NUBPL: variants seen among roughly 807,000 people sequenced by gnomAD.
The protein encoded by NUBPL is iron-sulfur cluster transfer protein NUBPL.
Under a neutral mutation model 45.7 loss-of-function variants are expected in NUBPL, and 31 were observed. That is an observed-to-expected ratio of 0.68 (90% CI 0.51 to 0.92). The LOEUF (loss-of-function observed/expected upper bound fraction) is 0.92, where lower values mean the gene tolerates loss of function less well. Among genes scored for constraint, NUBPL ranks in the 40% least tolerant of loss-of-function variants. NUBPL has a pLI of 0.00. For synonymous variants in NUBPL, 144 were observed against 140.9 expected, an observed-to-expected ratio of 1.02 and a Z score of -0.15; for missense variants, 401 against 398.7, an observed-to-expected ratio of 1.01 and a Z score of -0.05.
intron 4 of NUBPL, among the ~76,000 whole-genome samples, chr14:31,600,483 C>T (rs1437621531): frequency 5.3e-5 from 8 of 152,176 alleles, no homozygotes; most frequent in South Asian, 2.1e-4. Flanking sequence ...CGAATACCCA[C>T]GCAGACCTGG....
Position 31,562,063 on chromosome 14 carries a change from TA to T in NUBPL, c.109-2del, listed in dbSNP as rs2033298841. The T allele has an allele frequency of 6.4e-7, 1 of 1,569,710 alleles. No homozygotes were observed. Among genetic ancestry groups the T allele is most frequent in the Non-Finnish European group, 8.6e-7 (1 of 1,156,952 alleles). ...ACGGCTTTTTATTATTATTATTTTT[TA>T]AAGTTGTCTGGCGCCGGGAGTGAGA... On this transcript the variant is annotated splice_region_variant and splice_polypyrimidine_tract_variant and intron_variant, in intron 1 of 10. Coordinates refer to ENST00000281081, the MANE Select transcript of NUBPL (RefSeq NM_025152.3).
At chr14:31,638,487 G>T (rs1209222784) in intron 4 of NUBPL, among the ~76,000 whole-genome samples, 1 of 151,554 alleles carries the variant, frequency 6.6e-6, no homozygotes, top group Admixed American at 6.6e-5. Flanking sequence ...TCCCTTTGTG[G>T]GTAACCCGAC....
intron 4 of NUBPL, among the ~76,000 whole-genome samples, chr14:31,638,581 C>T (rs1161409952): frequency 1.3e-5 from 2 of 151,962 alleles, no homozygotes; most frequent in African/African-American, 4.8e-5. Context: ...AGTTGCTCTT[C>T]TCGAGGAGTA....
chr14:31,856,342 C>G (rs978599964), intron 10 of NUBPL, among the ~76,000 whole-genome samples: 1 of 152,108 alleles, frequency 6.6e-6, no homozygotes. Context: ...AGGTTCTTCC[C>G]ATGACACATG....
At chr14:31,677,752 A>G (rs370863745) in intron 6 of NUBPL, among the ~76,000 whole-genome samples, 5 of 152,246 alleles carry the variant, frequency 3.3e-5, no homozygotes, top group Non-Finnish European at 7.3e-5. Flanking sequence ...TGCACTAGTC[A>G]GACCTGAAGC....
chr14:31,593,560 G>A (rs1359316372), intron 3 of NUBPL, among the ~76,000 whole-genome samples: 7 of 151,626 alleles, frequency 4.6e-5, no homozygotes. Context: ...TGGTATGGGG[G>A]CGGAGGTGTC....
Position 31,676,659 on chromosome 14 carries a change from C to A in NUBPL, c.513+3085C>A, listed in dbSNP as rs561341780. Reference sequence around the variant, plus strand: ...TGTTATGGTTTTAATTTGTGTTTCCCTGATGATCAATAATATTGAGCCCTT... The same window carrying A: ...TGTTATGGTTTTAATTTGTGTTTCCATGATGATCAATAATATTGAGCCCTT... On this transcript the variant is annotated intron_variant, in intron 6 of 10. Transcript: ENST00000281081. Among the ~76,000 whole-genome samples the A allele has an allele frequency of 3.3e-5, 5 of 152,060 alleles. No homozygotes were observed. In the East Asian group the frequency reaches 9.6e-4, roughly 29 times the overall value.
intron 4 of NUBPL, among the ~76,000 whole-genome samples, chr14:31,644,904 T>A (rs1466663232): frequency 6.6e-6 from 1 of 152,104 alleles, no homozygotes; most frequent in Non-Finnish European, 1.5e-5. Flanking sequence ...TGAATGACCT[T>A]GTTTGTTCTT....
chr14:31,765,831 CTTTA>C (rs1226702516), intron 6 of NUBPL, among the ~76,000 whole-genome samples: 3 of 152,150 alleles, frequency 2.0e-5, no homozygotes, highest in South Asian at 2.1e-4. Flanking sequence ...TTGACTACCT[CTTTA>C]TTTATAAGCC....
intron 4 of NUBPL, among the ~76,000 whole-genome samples, chr14:31,643,858 G>C (rs2035773078): frequency 6.6e-6 from 1 of 151,732 alleles, no homozygotes; most frequent in Admixed American, 6.6e-5. Context: ...GTTTCTCCCT[G>C]GTTCAATCTT....
chr14:31,793,499 T>A (rs997558210), intron 7 of NUBPL, among the ~76,000 whole-genome samples: 7 of 152,218 alleles, frequency 4.6e-5, no homozygotes, highest in African/African-American at 1.7e-4. Context: ...TGCATACCTA[T>A]GTTATCTTCT....
At chr14:31,698,779 T>C (rs1181189315) in intron 6 of NUBPL, among the ~76,000 whole-genome samples, 2 of 152,202 alleles carry the variant, frequency 1.3e-5, no homozygotes, top group Non-Finnish European at 2.9e-5. Context: ...CTGTGTTCAC[T>C]ACTTATTTTT....
At chr14:31,669,099 T>C (rs1286005648) in intron 4 of NUBPL, among the ~76,000 whole-genome samples, 2 of 152,226 alleles carry the variant, frequency 1.3e-5, no homozygotes, top group Non-Finnish European at 2.9e-5. Flanking sequence ...CTGGGCTCAA[T>C]TGACTCTCGA....
Position 31,599,379 on chromosome 14 carries a change from A to T in NUBPL, c.382A>T (p.Ser128Cys). 5 of 1,596,666 alleles carry T rather than the reference A, an allele frequency of 3.1e-6. No individual in the cohort carries two copies. The East Asian group carries it at 9.0e-5, about 29-fold the overall frequency. The part of the protein sequence containing the change: ...NLKGNPELSQ[S>C]NLMRPLLNYG... ...GAAAGGAAATCCGGAATTATCACAG[A>T]GTAAGTAAAGAAGGGATAAATATTA... The change falls in exon 4 of 11, where the codon AGC becomes TGC. Residue 128 changes from serine (S) to cysteine (C), a missense_variant and splice_region_variant. By Grantham distance (112) the Ser-to-Cys change is moderately radical. Coordinates refer to ENST00000281081, the MANE Select transcript of NUBPL (RefSeq NM_025152.3).
chr14:31,702,226 C>T (rs1179034647), intron 6 of NUBPL, among the ~76,000 whole-genome samples: 2 of 152,236 alleles, frequency 1.3e-5, no homozygotes, highest in Non-Finnish European at 2.9e-5. Context: ...GTCTGTTAGT[C>T]TCCTGGCATT....
At chr14:31,738,054 T>TA (rs2038201278) in intron 6 of NUBPL, among the ~76,000 whole-genome samples, 1 of 152,222 alleles carries the variant, frequency 6.6e-6, no homozygotes, top group Non-Finnish European at 1.5e-5. Flanking sequence ...ATGTAACACT[T>TA]GAGAATTTAA....
intron 3 of NUBPL, among the ~76,000 whole-genome samples, chr14:31,581,099 G>A (rs577392557): frequency 3.3e-4 from 50 of 152,250 alleles, no homozygotes; most frequent in African/African-American, 1.0e-3. Flanking sequence ...GACTATGGTG[G>A]TAGAGGTAGT....
At chr14:31,619,349 C>T (rs796507279) in intron 4 of NUBPL, among the ~76,000 whole-genome samples, 4 of 152,228 alleles carry the variant, frequency 2.6e-5, no homozygotes, top group African/African-American at 9.6e-5. Flanking sequence ...GGTTATTTTG[C>T]CCATTAGTTG....
chr14:31,850,592 T>C (rs1228432716), intron 10 of NUBPL, among the ~76,000 whole-genome samples: 2 of 151,614 alleles, frequency 1.3e-5, no homozygotes, highest in East Asian at 3.9e-4. Flanking sequence ...TATAAGGCAA[T>C]TGTGTAAACC....
Sources: allele counts gnomAD v4.1 joint callset (sites outside exome capture counted in the v4.1 genomes callset), GRCh38; gene constraint gnomAD v4.1.1; transcripts MANE v1.5; gene names NCBI Gene and HGNC (gene_info 2026-07-23, HGNC 2026-07-21).